MAF: variants seen among roughly 807,000 people sequenced by gnomAD.
The protein encoded by MAF is MAF bZIP transcription factor, also known as transcription factor Maf.
A neutral mutation model predicts 22.0 loss-of-function variants in MAF; 10 were observed. That is an observed-to-expected ratio of 0.45 (90% confidence interval 0.28 to 0.77). The LOEUF (loss-of-function observed/expected upper bound fraction) is 0.77, where lower values mean the gene tolerates loss of function less well. Ranked by LOEUF, MAF falls within the 30% of genes least tolerant of loss-of-function variation. The pLI, the probability that MAF is intolerant of heterozygous loss-of-function variation, is 0.12. For missense variants in MAF, 544 were observed against 548.4 expected, an observed-to-expected ratio of 0.99 and a Z score of 0.08; for synonymous variants, 337 against 255.8, an observed-to-expected ratio of 1.32 and a Z score of -3.03.
chr16:79,459,067 T>G, the MAF span, among the ~76,000 whole-genome samples: 1 of 152,224 alleles, frequency 6.6e-6, no homozygotes, highest in South Asian at 2.1e-4. Flanking sequence ...GCTTCATGTA[T>G]GCAATCTCAT....
the MAF span, among the ~76,000 whole-genome samples, chr16:79,566,173 A>G: frequency 3.0e-4 from 46 of 152,334 alleles, no homozygotes; most frequent in African/African-American, 9.6e-4. Context: ...AAAGAAATGT[A>G]CATATCCATA....
the MAF span, among the ~76,000 whole-genome samples, chr16:79,496,853 T>C: frequency 6.6e-6 from 1 of 152,200 alleles, no homozygotes; most frequent in Non-Finnish European, 1.5e-5. Flanking sequence ...TAGAATCTGA[T>C]CATCCAATCA....
chr16:79,473,674 C>T, the MAF span, among the ~76,000 whole-genome samples: 12 of 152,094 alleles, frequency 7.9e-5, no homozygotes, highest in Non-Finnish European at 1.6e-4. Flanking sequence ...GTCTTTATGA[C>T]ATTATTGATT....
downstream of MAF, among the ~76,000 whole-genome samples, chr16:79,581,793 T>G (rs903615420): frequency 6.6e-6 from 1 of 152,194 alleles, no homozygotes; most frequent in East Asian, 1.9e-4. Context: ...AGTTGTACAA[T>G]GCACCCCTGG....
At chr16:79,249,691 A>T in the MAF span, among the ~76,000 whole-genome samples, 1 of 152,208 alleles carries the variant, frequency 6.6e-6, no homozygotes, top group Non-Finnish European at 1.5e-5. Context: ...CTAATTTCTT[A>T]GAAGTTAGCT....
At chr16:79,394,422 C>A in the MAF span, among the ~76,000 whole-genome samples, 1 of 152,168 alleles carries the variant, frequency 6.6e-6, no homozygotes, top group Non-Finnish European at 1.5e-5. Flanking sequence ...TCCTCCCTCC[C>A]CTGGGCCTCC....
the MAF span, among the ~76,000 whole-genome samples, chr16:79,522,393 C>T: frequency 0.028 from 4,281 of 152,252 alleles, 125 homozygotes; most frequent in Non-Finnish European, 0.038. Flanking sequence ...CCACGCCCCA[C>T]CACCCCCAAC....
chr16:79,460,467 A>G, the MAF span, among the ~76,000 whole-genome samples: 1 of 152,168 alleles, frequency 6.6e-6, no homozygotes, highest in Non-Finnish European at 1.5e-5. Flanking sequence ...TTGGAACTCT[A>G]TTACTCTATT....
the MAF span, among the ~76,000 whole-genome samples, chr16:79,461,676 T>C: frequency 5.9e-5 from 9 of 152,122 alleles, no homozygotes; most frequent in African/African-American, 9.7e-5. Context: ...TACGTACTAT[T>C]TGGAGAAATG....
the MAF span, among the ~76,000 whole-genome samples, chr16:79,498,316 C>G: frequency 6.6e-6 from 1 of 152,190 alleles, no homozygotes; most frequent in Admixed American, 6.5e-5. Flanking sequence ...GACAATGTGC[C>G]AATGAGTGGG....
chr16:79,474,379 C>T, the MAF span, among the ~76,000 whole-genome samples: 3 of 152,188 alleles, frequency 2.0e-5, no homozygotes, highest in South Asian at 2.1e-4. Flanking sequence ...ATATTTCTAT[C>T]CCTCATATGT....
the MAF span, among the ~76,000 whole-genome samples, chr16:79,328,053 C>G: frequency 2.0e-5 from 3 of 152,144 alleles, no homozygotes; most frequent in African/African-American, 2.4e-5. Flanking sequence ...AATTCCCAAC[C>G]CTGTGAGTTG....
At chr16:79,478,528 G>A in the MAF span, among the ~76,000 whole-genome samples, 7 of 152,122 alleles carry the variant, frequency 4.6e-5, no homozygotes, top group African/African-American at 1.7e-4. Flanking sequence ...GCAATGCTGG[G>A]ACCCCTGTGA....
chr16:79,542,905 T>A, the MAF span, among the ~76,000 whole-genome samples: 1 of 152,230 alleles, frequency 6.6e-6, no homozygotes, highest in East Asian at 1.9e-4. Context: ...TATCATAAGC[T>A]AGCACATCTG....
chr16:79,552,059 A>G, the MAF span, among the ~76,000 whole-genome samples: 2 of 152,106 alleles, frequency 1.3e-5, no homozygotes, highest in African/African-American at 2.4e-5. Flanking sequence ...TTAGCTTGGT[A>G]TAAAGACCTG....
chr16:79,438,530 G>C, the MAF span, among the ~76,000 whole-genome samples: 2 of 152,162 alleles, frequency 1.3e-5, no homozygotes, highest in African/African-American at 2.4e-5. Flanking sequence ...TACTTATTTT[G>C]CGTCAGTGGC....
chr16:79,564,043 C>T, the MAF span, among the ~76,000 whole-genome samples: 1 of 152,214 alleles, frequency 6.6e-6, no homozygotes. Context: ...ACCTTTCAGG[C>T]AGGTGGGATG....
the MAF span, among the ~76,000 whole-genome samples, chr16:79,281,194 G>A: frequency 3.4e-5 from 5 of 145,308 alleles, no homozygotes; most frequent in African/African-American, 1.3e-4. Flanking sequence ...TCTTGTTTTT[G>A]CACATACATT....
chr16:79,234,049 G>A, the MAF span, among the ~76,000 whole-genome samples: 15 of 151,080 alleles, frequency 9.9e-5, no homozygotes, highest in African/African-American at 3.6e-4. Flanking sequence ...ACCAATTTTT[G>A]CTTTCATTAA....
Sources: gnomAD v4.1 joint callset for allele counts (sites outside exome capture counted in the v4.1 genomes callset) on GRCh38, gnomAD v4.1.1 for gene constraint, MANE v1.5 for transcripts, NCBI Gene and HGNC (gene_info 2026-07-23, HGNC 2026-07-21) for gene names.